Variants in DNAL1 observed in about 807,000 individuals in gnomAD.
The protein encoded by DNAL1 is dynein axonemal light chain 1, also known as chromosome 14 open reading frame 168.
In DNAL1, 17 loss-of-function variants were observed where a neutral mutation model predicts 29.4. That is an observed-to-expected ratio of 0.58 (90% CI 0.40 to 0.87). The LOEUF (loss-of-function observed/expected upper bound fraction) is 0.87. DNAL1 is among the 40% of genes least tolerant of loss of function. The pLI, the probability that DNAL1 is intolerant of heterozygous loss-of-function variation, is 0.00. For synonymous variants in DNAL1, 78 were observed against 76.3 expected, an observed-to-expected ratio of 1.02 and a Z score of -0.12; for missense variants, 188 against 214.1, an observed-to-expected ratio of 0.88 and a Z score of 0.76.
intron 3 of DNAL1, among the ~76,000 whole-genome samples, chr14:73,661,063 C>T (rs1891330659): frequency 1.3e-5 from 2 of 152,054 alleles, no homozygotes; most frequent in South Asian, 2.1e-4. Flanking sequence ...ACTTGGGTGG[C>T]GGAGGCATGA....
intron 7 of DNAL1, among the ~76,000 whole-genome samples, chr14:73,694,291 G>T (rs1892247088): frequency 8.3e-6 from 1 of 120,686 alleles, no homozygotes; most frequent in Non-Finnish European, 1.8e-5. Context: ...AATAAATAAA[G>T]TCTTCAGAGA....
chr14:73,680,905 A>G (rs560210670), intron 5 of DNAL1, among the ~76,000 whole-genome samples: 1 of 152,330 alleles, frequency 6.6e-6, no homozygotes, highest in Non-Finnish European at 1.5e-5. Context: ...AATGGTAAGT[A>G]TTTGTATATC....
intron 7 of DNAL1, among the ~76,000 whole-genome samples, chr14:73,691,848 C>G (rs925495743): frequency 3.1e-5 from 2 of 65,158 alleles, no homozygotes; most frequent in East Asian, 5.8e-4. Context: ...CGTGCGCCAC[C>G]CCCCCCCCCC....
intron 1 of DNAL1, among the ~76,000 whole-genome samples, chr14:73,647,618 C>T (rs771937616): frequency 2.6e-5 from 4 of 152,134 alleles, no homozygotes; most frequent in Non-Finnish European, 5.9e-5. Flanking sequence ...AGGTTATCTT[C>T]TTTACACTAG....
rs1285895682 is a variant in DNAL1, at chr14:73,702,825, C to G, written c.*6883C>G. On this transcript the variant is annotated 3_prime_UTR_variant, in exon 8 of 8. Transcript: ENST00000553645. ...TGAGGATACATTTCTTGCTGCTGTC[C>G]TCCACTAAACAGCAGACAAATTGCC... 1.3e-5 allele frequency: 2 copies of G among 152,028 alleles called. No individual in the cohort carries two copies. The highest frequency in any genetic ancestry group is 3.8e-4 in the East Asian group (2 of 5,196). The allele number at this position is 152,028 out of a possible 1,614,324, so 9.4% of individuals were successfully genotyped here.
At chr14:73,648,646 C>T (rs916268832) in intron 1 of DNAL1, among the ~76,000 whole-genome samples, 2 of 150,164 alleles carry the variant, frequency 1.3e-5, no homozygotes, top group Non-Finnish European at 3.0e-5. Flanking sequence ...AATTCCTGGA[C>T]TCAGGCGATA....
chr14:73,662,622 G>C (rs1036493935), intron 4 of DNAL1, among the ~76,000 whole-genome samples: 5 of 152,110 alleles, frequency 3.3e-5, no homozygotes, highest in Admixed American at 2.6e-4. Context: ...TCTGGTGGCT[G>C]CTGCATTCCT....
intron 7 of DNAL1, among the ~76,000 whole-genome samples, chr14:73,694,556 G>C (rs972772977): frequency 6.9e-6 from 1 of 144,518 alleles, no homozygotes; most frequent in African/African-American, 2.5e-5. Flanking sequence ...TTTTTTTTCA[G>C]TGTATCCCCA....
In DNAL1 at chr14:73,697,866, A is replaced by G. The variant is rs1022544155; in HGVS notation, c.*1924A>G. ...CTACTCTAGCTGGTTTATGCATTCA[A>G]AGCCTTTGGACATTTCTTTTATGAA... On this transcript the variant is annotated 3_prime_UTR_variant, in exon 8 of 8. Transcript: ENST00000553645. 3 of 152,136 alleles carry G rather than the reference A, an allele frequency of 2.0e-5. No individual in the cohort carries two copies. Among genetic ancestry groups the G allele is most frequent in the Non-Finnish European group, 2.9e-5 (2 of 68,030 alleles). 9.4% of individuals were successfully genotyped at this position (152,136 alleles called of 1,614,324 possible).
At chr14:73,671,733 C>A in intron 5 of DNAL1, 136 bp downstream of exon 5, 2 of 1,075,138 alleles carry the variant, frequency 1.9e-6, no homozygotes, top group Admixed American at 4.4e-5. Context: ...GACATATTCT[C>A]AAGTTACCCT....
intron 6 of DNAL1, among the ~76,000 whole-genome samples, chr14:73,687,868 G>A (rs1395591110): frequency 2.0e-5 from 3 of 152,080 alleles, no homozygotes; most frequent in East Asian, 1.9e-4. Flanking sequence ...GCAAGACTCC[G>A]TCTCAAATAC....
At chr14:73,650,585 G>A (rs1007144602) in intron 1 of DNAL1, among the ~76,000 whole-genome samples, 2 of 152,138 alleles carry the variant, frequency 1.3e-5, no homozygotes, top group Admixed American at 6.5e-5. Flanking sequence ...TATGGTGTTT[G>A]TTATAGAGTT....
At position 73,658,850 on chromosome 14, in the gene DNAL1, G is replaced by A; in HGVS notation, c.46G>A (p.Glu16Lys). Residue 16 changes from glutamate to lysine, a missense_variant, in exon 3 of 8, where the codon GAG (glutamate) becomes AAG (lysine). By Grantham distance (56) the Glu-to-Lys change is moderately conservative (BLOSUM62 1). Transcript: ENST00000553645. ...TIKEALARWEEKTGQRPSEAK... is the reference protein window; with the variant it reads ...TIKEALARWEKKTGQRPSEAK... The stretch of plus-strand genomic sequence containing the variant: ...TCCAAATGTATTTTTCTCATAGGAA[G>A]AGAAAACTGGCCAGAGGCCATCTGA... 2.5e-6 allele frequency: 4 copies of A among 1,602,316 alleles called. No homozygotes were observed. Among genetic ancestry groups the A allele is most frequent in the East Asian group, 2.3e-5 (1 of 44,410 alleles).
chr14:73,694,522 G>A (rs1251344497), intron 7 of DNAL1, among the ~76,000 whole-genome samples: 2 of 135,300 alleles, frequency 1.5e-5, no homozygotes, highest in African/African-American at 5.8e-5. Flanking sequence ...AGCCAGAGAT[G>A]TGCTTTGTTT....
At position 73,701,911 on chromosome 14, in the gene DNAL1, TGTTTCAAAATG is replaced by T. The variant is rs1440579643; in HGVS notation, c.*5972_*5982del. 1 of 150,936 alleles carries T rather than the reference TGTTTCAAAATG, an allele frequency of 6.6e-6. No individual in the cohort carries two copies. The highest frequency in any genetic ancestry group is 2.0e-4 in the East Asian group (1 of 5,120). The allele number at this position is 150,936 out of a possible 1,614,324, so 9.3% of individuals were successfully genotyped here. On this transcript the variant is annotated 3_prime_UTR_variant, in exon 8 of 8. Transcript: ENST00000553645. ...AGTTTCTGAATGTTATTTTGTGATT[TGTTTCAAAATG>T]GTAATAAATTGTGTTATTTTGTAAA...
chr14:73,652,819 G>A (rs1891139150), intron 1 of DNAL1, among the ~76,000 whole-genome samples: 1 of 151,864 alleles, frequency 6.6e-6, no homozygotes, highest in Admixed American at 6.6e-5. Context: ...GAATCTGTAA[G>A]TTTCCTTCTT....
chr14:73,660,742 T>C (rs1891323013), intron 3 of DNAL1, among the ~76,000 whole-genome samples: 1 of 152,160 alleles, frequency 6.6e-6, no homozygotes. Flanking sequence ...TTTTTTGGCA[T>C]CAGGCATGAT....
Position 73,689,379 on chromosome 14 carries a change from G to A in DNAL1, c.396G>A (p.Glu132=). The A allele has an allele frequency of 6.4e-7, 1 of 1,552,244 alleles. No individual in the cohort carries two copies. Among genetic ancestry groups the A allele is most frequent in the Non-Finnish European group, 8.7e-7 (1 of 1,147,190 alleles). The change falls in exon 7 of 8, where the codon GAG becomes GAA. Residue 132 remains glutamate, a synonymous_variant. Coordinates refer to ENST00000553645, the MANE Select transcript of DNAL1 (RefSeq NM_031427.4). Reference sequence around the variant, plus strand: ...AAAATATTCTTTTACTTGTAGCTGAGTTTGTGAAGCTGGCAGAACTGCCAT... The same window carrying A: ...AAAATATTCTTTTACTTGTAGCTGAATTTGTGAAGCTGGCAGAACTGCCAT... ...MSNNLVKDWA[E]FVKLAELPCL... is the part of the protein sequence containing the mutation.
intron 4 of DNAL1, among the ~76,000 whole-genome samples, chr14:73,669,131 A>G (rs1212234835): frequency 6.6e-6 from 1 of 151,984 alleles, no homozygotes; most frequent in African/African-American, 2.4e-5. Flanking sequence ...AAATGGCCCA[A>G]TTAATTACCT....
Sources: allele counts gnomAD v4.1 joint callset (sites outside exome capture counted in the v4.1 genomes callset), GRCh38; gene constraint gnomAD v4.1.1; transcripts MANE v1.5; gene names NCBI Gene and HGNC (gene_info 2026-07-23, HGNC 2026-07-21).